The following CCDC93 variants were observed in gnomAD, a reference collection of about 807,000 sequenced individuals.
CCDC93 encodes the protein coiled-coil domain-containing protein 93.
A neutral mutation model predicts 108.2 loss-of-function variants in CCDC93; 61 were observed. The ratio of observed to expected loss-of-function variants is 0.56; its 90% CI spans 0.46 to 0.70. CCDC93 has a LOEUF of 0.70. Ranked by LOEUF, CCDC93 falls within the 30% of genes least tolerant of loss-of-function variation. The pLI is 0.00. For synonymous variants in CCDC93, 276 were observed against 260.4 expected (o/e 1.06, Z -0.58); for missense variants, 685 against 764.2 (o/e 0.90, Z 1.22).
chr2:117,940,159 G>C (rs953355984), intron 19 of CCDC93, among the ~76,000 whole-genome samples: 1 of 152,154 alleles, frequency 6.6e-6, no homozygotes, highest in Non-Finnish European at 1.5e-5. Context: ...AGAAGAAAGA[G>C]GGGTCCAGTT....
At chr2:117,938,886 G>T in intron 20 of CCDC93, 143 bp downstream of exon 20, 1 of 534,642 alleles carries the variant, frequency 1.9e-6, no homozygotes, top group Non-Finnish European at 3.4e-6. Flanking sequence ...TTCTGACTGG[G>T]TATGCCAGCA....
rs576703476 is a variant in CCDC93 at position 117,996,509 on chromosome 2, A to G, written c.364-147T>C. On this transcript the variant is annotated intron_variant, in intron 4 of 23. Coordinates refer to ENST00000376300, the MANE Select transcript of CCDC93 (RefSeq NM_019044.5). ...AGAAGCTATCAACACATGCTGTTCT[A>G]TAGGAAAAGCAACCAGCTGGGTATC... The G allele has an allele frequency of 1.4e-5, 8 of 577,596 alleles. No individual in the cohort carries two copies. In the South Asian group the frequency reaches 1.5e-4, roughly 11 times the overall value. The allele number at this position is 577,596 out of a possible 1,614,324, so 35.8% of individuals were successfully genotyped here.
chr2:118,009,898 A>G (rs1191985668), intron 1 of CCDC93, among the ~76,000 whole-genome samples: 6 of 151,840 alleles, frequency 4.0e-5, no homozygotes, highest in Non-Finnish European at 8.8e-5. Flanking sequence ...GTATATCAGT[A>G]TTTTGCTTTT....
In CCDC93 at chr2:117,971,023, T is replaced by G. The variant is rs369130604; in HGVS notation, c.888+2885A>C. On this transcript the variant is annotated intron_variant, in intron 11 of 23. Coordinates refer to ENST00000376300, the MANE Select transcript of CCDC93 (RefSeq NM_019044.5). ...AAAATTGTGTCTAACAAAAAAAAGT[T>G]TAATGAACTGCGCTGTATTAACACA... Among the ~76,000 whole-genome samples the G allele has an allele frequency of 3.1e-3, 477 of 152,288 alleles. 5 individuals carry two copies. Among genetic ancestry groups the G allele is most frequent in the African/African-American group, 0.011 (456 of 41,548 alleles).
chr2:117,951,187 G>A (rs563502286), intron 13 of CCDC93: 2 of 985,322 alleles, frequency 2.0e-6, no homozygotes, highest in African/African-American at 3.5e-5. Context: ...CCACGAATTG[G>A]CAAACTTCAT....
At chr2:117,958,254 T>G in intron 12 of CCDC93, 111 bp downstream of exon 12, 1 of 680,660 alleles carries the variant, frequency 1.5e-6, no homozygotes. Context: ...CAAAAACAAG[T>G]GGCAACTGGA....
intron 2 of CCDC93, among the ~76,000 whole-genome samples, chr2:118,007,871 G>A (rs966354902): frequency 1.3e-5 from 2 of 152,198 alleles, no homozygotes; most frequent in Non-Finnish European, 1.5e-5. Flanking sequence ...CTGTGACCCC[G>A]TGGAGCACTC....
chr2:117,980,616 T>C (rs1376151874), intron 7 of CCDC93, among the ~76,000 whole-genome samples: 2 of 152,178 alleles, frequency 1.3e-5, no homozygotes, highest in African/African-American at 2.4e-5. Flanking sequence ...CCCTCATGAG[T>C]AATCCGCTAA....
chr2:118,012,904 GGGAGGAATGC>G (rs1423967548), intron 1 of CCDC93: 2 of 152,214 alleles, frequency 1.3e-5, no homozygotes, highest in African/African-American at 4.8e-5. Flanking sequence ...CTGAGGATTT[GGGAGGAATGC>G]AGAGGAGTAA....
intron 4 of CCDC93, chr2:117,998,902 A>C (rs1322813523): frequency 2.0e-5 from 3 of 152,234 alleles, no homozygotes; most frequent in African/African-American, 7.2e-5. Context: ...AAGGCTAACA[A>C]ACATACAAAT....
At chr2:117,938,953 A>T in intron 20 of CCDC93, 76 bp downstream of exon 20, 1 of 764,690 alleles carries the variant, frequency 1.3e-6, no homozygotes, top group East Asian at 2.6e-5. Flanking sequence ...TGTCCCAAAC[A>T]TCAAGTTCAT....
chr2:118,009,579 C>T (rs1276470969), intron 1 of CCDC93, among the ~76,000 whole-genome samples: 3 of 152,082 alleles, frequency 2.0e-5, no homozygotes, highest in South Asian at 2.1e-4. Context: ...GGCTGAGGCA[C>T]GAGAATCACT....
intron 2 of CCDC93, among the ~76,000 whole-genome samples, chr2:118,007,647 C>A (rs1676913838): frequency 6.6e-6 from 1 of 152,148 alleles, no homozygotes; most frequent in Non-Finnish European, 1.5e-5. Flanking sequence ...CCAGCCTGGG[C>A]AGCAGAGAGA....
chr2:117,998,381 T>G (rs1216139941), intron 4 of CCDC93: 4 of 152,192 alleles, frequency 2.6e-5, no homozygotes, highest in Non-Finnish European at 5.9e-5. Flanking sequence ...AGTTTCATCA[T>G]AGTTAAATGT....
At position 117,952,990 on chromosome 2, in the gene CCDC93, G is replaced by C. The variant is rs371375199; in HGVS notation, c.1006-555C>G. ...TTTTACTGTTCCAACTTACATAACT[G>C]TAAACTCACATCTTGAAAAAGTCAA... On this transcript the variant is annotated intron_variant, in intron 12 of 23. Transcript: ENST00000376300. Among the ~76,000 whole-genome samples, 48 of 152,246 alleles carry C rather than the reference G, an allele frequency of 3.2e-4. No individual in the cohort carries two copies. The South Asian group carries it at 8.1e-3, about 26-fold the overall frequency.
intron 3 of CCDC93, among the ~76,000 whole-genome samples, chr2:118,005,703 G>A (rs1676846482): frequency 6.9e-6 from 1 of 145,718 alleles, no homozygotes; most frequent in Non-Finnish European, 1.5e-5. Flanking sequence ...AGTGAGTGGT[G>A]TTGGCACCAC....
In CCDC93 at chr2:117,922,664, T is replaced by C. The variant is rs556912959; in HGVS notation, c.1843-2268A>G. Among the ~76,000 whole-genome samples the C allele has an allele frequency of 5.3e-5, 8 of 152,238 alleles. No individual in the cohort carries two copies. In the South Asian group the frequency reaches 1.2e-3, roughly 24 times the overall value. ...TGTGTTTTCCATGAAGAATAATTATTGCACACTACAAGTGCTTGGGCCCAG... is the reference window on the plus strand; with the variant it reads ...TGTGTTTTCCATGAAGAATAATTATCGCACACTACAAGTGCTTGGGCCCAG... On this transcript the variant is annotated intron_variant, in intron 23 of 23. Coordinates refer to ENST00000376300, the MANE Select transcript of CCDC93 (RefSeq NM_019044.5).
intron 22 of CCDC93, among the ~76,000 whole-genome samples, chr2:117,932,946 A>C (rs1005255071): frequency 6.6e-6 from 1 of 152,186 alleles, no homozygotes; most frequent in Non-Finnish European, 1.5e-5. Context: ...CACTTTAGCA[A>C]AACACTTCAC....
intron 19 of CCDC93, among the ~76,000 whole-genome samples, chr2:117,940,001 T>C (rs895338041): frequency 6.6e-6 from 1 of 152,154 alleles, no homozygotes; most frequent in African/African-American, 2.4e-5. Context: ...AGCCTAAGTA[T>C]TACAGCTTTT....
Sources: gnomAD v4.1 joint callset for allele counts (sites outside exome capture counted in the v4.1 genomes callset) on GRCh38, gnomAD v4.1.1 for gene constraint, MANE v1.5 for transcripts, NCBI Gene and HGNC (gene_info 2026-07-23, HGNC 2026-07-21) for gene names.